The following CCDC33 variants were observed in gnomAD, a reference collection of about 807,000 sequenced individuals.
CCDC33 encodes coiled-coil domain containing 33.
A neutral mutation model predicts 91.9 loss-of-function variants in CCDC33; 94 were observed. That is an observed-to-expected ratio of 1.02 (90% CI 0.87 to 1.21). The LOEUF (loss-of-function observed/expected upper bound fraction) is 1.21, where lower values mean the gene tolerates loss of function less well. CCDC33 is among the 50% of genes most tolerant of loss of function. The probability of loss-of-function intolerance (pLI) is 0.00; values close to 1 mark genes in which losing one functional copy is unlikely to be tolerated. For synonymous variants in CCDC33, 396 were observed against 374.5 expected (o/e 1.06, Z -0.66); for missense variants, 940 against 935.5 (o/e 1.00, Z -0.06).
intron 7 of CCDC33, 73 bp downstream of exon 7, chr15:74,272,964 T>TGAA: frequency 7.0e-6 from 11 of 1,575,830 alleles, no homozygotes; most frequent in Non-Finnish European, 9.6e-6. Context: ...ACTCAGTGAG[T>TGAA]CAGTCAGCAG....
intron 10 of CCDC33, among the ~76,000 whole-genome samples, chr15:74,285,541 C>G (rs180962621): frequency 6.6e-6 from 1 of 152,200 alleles, no homozygotes; most frequent in Non-Finnish European, 1.5e-5. Flanking sequence ...GGACCTCCCT[C>G]TGCCCCAAGC....
At chr15:74,331,993 G>A (rs1038645378) in intron 15 of CCDC33, among the ~76,000 whole-genome samples, 3 of 152,186 alleles carry the variant, frequency 2.0e-5, no homozygotes, top group African/African-American at 7.2e-5. Flanking sequence ...TTGTGCCACT[G>A]TACTCCGGCC....
chr15:74,236,154 C>G (rs1258663834), upstream of CCDC33: 1 of 152,480 alleles, frequency 6.6e-6, no homozygotes, highest in East Asian at 1.9e-4. Context: ...GCACCAAGAG[C>G]AGGAAGGGTG....
intron 11 of CCDC33, among the ~76,000 whole-genome samples, chr15:74,323,951 G>A (rs138268328): frequency 0.019 from 2,894 of 152,056 alleles, 87 homozygotes; most frequent in African/African-American, 0.067. Flanking sequence ...AAATTAGCCC[G>A]GCATAGTGGC....
At chr15:74,317,477 G>A (rs577964753) in intron 11 of CCDC33, among the ~76,000 whole-genome samples, 50 of 152,338 alleles carry the variant, frequency 3.3e-4, no homozygotes, top group African/African-American at 1.1e-3. Context: ...CCCCAACCCT[G>A]TGCAGAGTGC....
intron 13 of CCDC33, 50 bp from the exon 14 acceptor site, chr15:74,330,931 G>A (rs2277605): frequency 0.64 from 995,123 of 1,546,872 alleles, 331,928 homozygotes; most frequent in Non-Finnish European, 0.7. Flanking sequence ...GGGCCAAGGT[G>A]GACTCCCAGG....
chr15:74,228,530 G>A (rs1472525137), intron 2 of CCDC33, among the ~76,000 whole-genome samples: 1 of 152,222 alleles, frequency 6.6e-6, no homozygotes, highest in African/African-American at 2.4e-5. Context: ...GGCTTCTTTG[G>A]GGAACTTGGA....
intron 11 of CCDC33, among the ~76,000 whole-genome samples, chr15:74,304,956 T>A (rs1305383777): frequency 6.6e-6 from 1 of 152,046 alleles, no homozygotes; most frequent in Non-Finnish European, 1.5e-5. Context: ...CTTCTTTTTT[T>A]TTTTTTAGAC....
intron 11 of CCDC33, among the ~76,000 whole-genome samples, chr15:74,315,368 A>C (rs1200994712): frequency 6.6e-6 from 1 of 152,164 alleles, no homozygotes; most frequent in Non-Finnish European, 1.5e-5. Context: ...GGCCAAGGCC[A>C]GTTGAGGACA....
intron 2 of CCDC33, among the ~76,000 whole-genome samples, chr15:74,257,503 G>A (rs570700970): frequency 6.6e-6 from 1 of 152,312 alleles, no homozygotes; most frequent in Non-Finnish European, 1.5e-5. Context: ...AGAGGTGTGA[G>A]GGCTGGGGCT....
chr15:74,298,054 C>G (rs940270997), intron 11 of CCDC33, among the ~76,000 whole-genome samples: 1 of 152,238 alleles, frequency 6.6e-6, no homozygotes, highest in South Asian at 2.1e-4. Context: ...CAGCCCTGCT[C>G]CTAGTACTGG....
At chr15:74,329,098 T>C (rs929894568) in intron 11 of CCDC33, among the ~76,000 whole-genome samples, 1 of 152,216 alleles carries the variant, frequency 6.6e-6, no homozygotes, top group Non-Finnish European at 1.5e-5. Context: ...TGAAACTTTA[T>C]AAATAACAGT....
intron 2 of CCDC33, among the ~76,000 whole-genome samples, chr15:74,250,011 T>A (rs1051175430): frequency 5.9e-5 from 9 of 152,132 alleles, no homozygotes; most frequent in African/African-American, 2.2e-4. Flanking sequence ...GGCTCTTCTT[T>A]CTCTAGCCTG....
At chr15:74,229,669 G>C (rs1360676769) in intron 2 of CCDC33, among the ~76,000 whole-genome samples, 1 of 152,222 alleles carries the variant, frequency 6.6e-6, no homozygotes, top group Non-Finnish European at 1.5e-5. Context: ...AAGGCACTGG[G>C]GGCTTGGACT....
chr15:74,274,415 C>G (rs576107940), intron 7 of CCDC33, among the ~76,000 whole-genome samples: 53 of 152,284 alleles, frequency 3.5e-4, no homozygotes, highest in South Asian at 1.0e-3. Context: ...TTTGGAGGTC[C>G]CTCCTATTGT....
intron 11 of CCDC33, chr15:74,303,243 C>A (rs779636485): frequency 6.6e-6 from 1 of 152,518 alleles, no homozygotes. Flanking sequence ...GCCCCGGGAG[C>A]CTGGGATTGG....
Position 74,265,475 on chromosome 15 carries a change from C to T in CCDC33, c.320-1203C>T, listed in dbSNP as rs2076141828. On this transcript the variant is annotated intron_variant, in intron 3 of 18. Coordinates refer to ENST00000398814, the MANE Select transcript of CCDC33 (RefSeq NM_025055.5). ...CAGAATATAAAGATGCCTCAAGTGT[C>T]ACCAAATTCAACCCTTCCTATCATC... is the stretch of plus-strand genomic sequence containing the variant. 2.0e-5 allele frequency among the ~76,000 whole-genome samples: 3 copies of T among 152,274 alleles called. 1 individual carries two copies. In the South Asian group the frequency reaches 6.2e-4, roughly 32 times the overall value.
chr15:74,318,470 A>G (rs561036880), intron 11 of CCDC33: 111 of 565,100 alleles, frequency 2.0e-4, no homozygotes, highest in African/African-American at 1.5e-3. Flanking sequence ...ACAAAGGGGA[A>G]GTGGCCCCAT....
In CCDC33 at chr15:74,262,448, C is replaced by T. The variant is rs114996696; in HGVS notation, c.194C>T (p.Thr65Ile). The T allele has an allele frequency of 1.2e-3, 1,891 of 1,614,054 alleles. 17 individuals are homozygous for T. The African/African-American group carries it at 0.02, about 17-fold the overall frequency. Residue 65 changes from threonine (T) to isoleucine (I), a missense_variant, in exon 3 of 19, where the codon ACA becomes ATA. Physicochemically the swap from Thr to Ile is moderately conservative, Grantham distance 89 (BLOSUM62 -1). Coordinates refer to ENST00000398814, the MANE Select transcript of CCDC33 (RefSeq NM_025055.5). ...GCCCCTGCTCTCCCCAGGAAAAGCA[C>T]ATCTGAGGAAAAGAACAATCAGAGC... is the stretch of plus-strand genomic sequence containing the variant. ...EPWPYVVVKS[T>I]SEEKNNQSSK...
Sources: gnomAD v4.1 joint callset for allele counts (sites outside exome capture counted in the v4.1 genomes callset) on GRCh38, gnomAD v4.1.1 for gene constraint, MANE v1.5 for transcripts, NCBI Gene and HGNC (gene_info 2026-07-23, HGNC 2026-07-21) for gene names.